The following ERCC8 variants were observed in gnomAD, a reference collection of about 807,000 sequenced individuals.
ERCC8 encodes ERCC excision repair 8, CSA ubiquitin ligase complex subunit.
In ERCC8, 52 loss-of-function variants were observed where a neutral mutation model predicts 54.9. The ratio of observed to expected loss-of-function variants is 0.95; its 90% CI spans 0.76 to 1.19. ERCC8 has a LOEUF of 1.19. ERCC8 is among the 50% of genes most tolerant of loss of function. The probability of loss-of-function intolerance (pLI) is 0.00; values close to 1 mark genes in which losing one functional copy is unlikely to be tolerated. For missense variants in ERCC8, 514 were observed against 466.1 expected, an observed-to-expected ratio of 1.10 and a Z score of -0.95; for synonymous variants, 146 against 157.2, an observed-to-expected ratio of 0.93 and a Z score of 0.53.
chr5:60,887,558 G>C, intron 10 of ERCC8, 38 bp from the exon 11 acceptor site: 1 of 1,397,058 alleles, frequency 7.2e-7, no homozygotes, highest in Non-Finnish European at 1.0e-6. Flanking sequence ...TGTGGATCAA[G>C]AGCTGATATC....
At chr5:60,883,185 A>C (rs1326903271) in intron 11 of ERCC8, among the ~76,000 whole-genome samples, 1 of 152,252 alleles carries the variant, frequency 6.6e-6, no homozygotes, top group Non-Finnish European at 1.5e-5. Flanking sequence ...TGAAAATCAT[A>C]ATCAGTTGCA....
Position 60,899,674 on chromosome 5 carries a change from A to G in ERCC8, c.671T>C (p.Ile224Thr). ...TTTCCCATTATGTTGATCAAGAGTA[A>G]TCAAACATCCTGATGCTCTTCTCAC... ...WDVRRASGCL[I>T]TLDQHNGKKS... The change falls in exon 8 of 12, where the codon ATT (isoleucine) becomes ACT (threonine). Residue 224 changes from isoleucine (I) to threonine (T), a missense_variant. Coordinates refer to ENST00000676185, the MANE Select transcript of ERCC8 (RefSeq NM_000082.4). 2 of 1,612,510 alleles carry G rather than the reference A, an allele frequency of 1.2e-6. No individual in the cohort carries two copies. Among genetic ancestry groups the G allele is most frequent in the Non-Finnish European group, 1.7e-6 (2 of 1,179,036 alleles).
At chr5:60,891,233 C>A in intron 9 of ERCC8, 147 bp from the exon 10 acceptor site, 2 of 611,394 alleles carry the variant, frequency 3.3e-6, no homozygotes, top group Non-Finnish European at 5.7e-6. Flanking sequence ...GAACAAGGGC[C>A]AATGACATGA....
Position 60,869,562 on chromosome 5 carries a change from TA to T in ERCC8, c.*5052del, listed in dbSNP as rs1294456025. Among the ~76,000 whole-genome samples the T allele has an allele frequency of 6.6e-6, 1 of 152,184 alleles. No homozygotes were observed. Among genetic ancestry groups the T allele is most frequent in the African/African-American group, 2.4e-5 (1 of 41,446 alleles). ...CTATTTTAAATGGGGCTTTTTAGTA[TA>T]AACTGGACACAAGGAACACTTCAGT... On this transcript the variant is annotated 3_prime_UTR_variant, in exon 12 of 12. Transcript: ENST00000676185.
chr5:60,880,051 G>GT (rs1748157953), intron 11 of ERCC8, among the ~76,000 whole-genome samples: 1 of 152,224 alleles, frequency 6.6e-6, no homozygotes, highest in East Asian at 1.9e-4. Flanking sequence ...GCTCTTTTAG[G>GT]GCAGGCCTGG....
intron 9 of ERCC8, among the ~76,000 whole-genome samples, chr5:60,897,240 C>G (rs1351899053): frequency 3.3e-5 from 5 of 152,200 alleles, no homozygotes; most frequent in African/African-American, 9.6e-5. Context: ...CTATGTGAAA[C>G]AGCAACTCCA....
intron 11 of ERCC8, among the ~76,000 whole-genome samples, chr5:60,876,089 T>C (rs932754082): frequency 2.0e-5 from 3 of 152,040 alleles, no homozygotes; most frequent in Non-Finnish European, 4.4e-5. Flanking sequence ...CGAAGTGTTC[T>C]TACTGTTCAA....
chr5:60,890,959 C>T lies in ERCC8; in HGVS notation c.971G>A (p.Gly324Glu). The T allele has an allele frequency of 6.2e-7, 1 of 1,613,540 alleles. No individual in the cohort carries two copies. The highest frequency in any genetic ancestry group is 1.1e-5 in the South Asian group (1 of 91,070). Reference protein sequence around the residue: ...STIAVYTVYSGEQITMLKGHY... With the variant: ...STIAVYTVYSEEQITMLKGHY... ...TCCCTTAAGCATAGTTATCTGTTCT[C>T]CTGAGTAAACTGTATAAACAGCAAT... is the stretch of plus-strand genomic sequence containing the variant. The change falls in exon 10 of 12, where the codon GGA (glycine) becomes GAA (glutamate). Residue 324 changes from glycine to glutamate, a missense_variant. Physicochemically the swap from Gly to Glu is moderately conservative, Grantham distance 98. Transcript: ENST00000676185.
At chr5:60,935,579 T>C (rs1464582305) in intron 1 of ERCC8, among the ~76,000 whole-genome samples, 1 of 152,194 alleles carries the variant, frequency 6.6e-6, no homozygotes, top group African/African-American at 2.4e-5. Context: ...CTATGTTGAA[T>C]AGAAGTGGTG....
chr5:60,877,100 C>A (rs1748035015), intron 11 of ERCC8, among the ~76,000 whole-genome samples: 1 of 152,204 alleles, frequency 6.6e-6, no homozygotes, highest in Admixed American at 6.5e-5. Context: ...CTAAGTATGG[C>A]TAGCCAGTTA....
intron 10 of ERCC8, among the ~76,000 whole-genome samples, chr5:60,888,769 T>G (rs1748468375): frequency 6.6e-6 from 1 of 152,210 alleles, no homozygotes; most frequent in Non-Finnish European, 1.5e-5. Flanking sequence ...TTGCCAACAT[T>G]AGGCCTTACT....
chr5:60,923,783 A>T (rs1749668312), intron 2 of ERCC8, among the ~76,000 whole-genome samples: 1 of 152,096 alleles, frequency 6.6e-6, no homozygotes. Flanking sequence ...CATTTATCCC[A>T]ATTACAAATA....
intron 4 of ERCC8, chr5:60,907,484 C>G (rs1039261456): frequency 1.3e-5 from 2 of 152,228 alleles, no homozygotes; most frequent in African/African-American, 4.8e-5. Context: ...TCCCGAGTAG[C>G]TGGGACTACA....
intron 3 of ERCC8, among the ~76,000 whole-genome samples, chr5:60,920,684 T>C (rs2112520910): frequency 6.6e-6 from 1 of 152,072 alleles, no homozygotes; most frequent in African/African-American, 2.4e-5. Context: ...CATTTTCAAA[T>C]TCAAAGTCAC....
At chr5:60,934,598 T>C (rs1750010645) in intron 1 of ERCC8, among the ~76,000 whole-genome samples, 1 of 152,228 alleles carries the variant, frequency 6.6e-6, no homozygotes, top group African/African-American at 2.4e-5. Flanking sequence ...TTTGTTTTTG[T>C]CGTGTTTGCT....
At chr5:60,944,710 C>A (rs1434656734) in intron 1 of ERCC8, among the ~76,000 whole-genome samples, 3 of 44,376 alleles carry the variant, frequency 6.8e-5, no homozygotes, top group South Asian at 1.1e-3. Flanking sequence ...GGGGAACCCC[C>A]CCCCCACCCC....
At chr5:60,881,487 T>C (rs1027434173) in intron 11 of ERCC8, among the ~76,000 whole-genome samples, 1 of 152,210 alleles carries the variant, frequency 6.6e-6, no homozygotes, top group Non-Finnish European at 1.5e-5. Context: ...GCAGGCCTCC[T>C]TGAGCTGTGG....
chr5:60,929,977 TAAC>T (rs887994076), intron 1 of ERCC8, among the ~76,000 whole-genome samples: 1 of 152,226 alleles, frequency 6.6e-6, no homozygotes, highest in African/African-American at 2.4e-5. Context: ...TTTAAAAAGA[TAAC>T]AATGCACAAT....
intron 3 of ERCC8, among the ~76,000 whole-genome samples, chr5:60,921,352 C>T (rs1162078364): frequency 1.3e-5 from 2 of 151,800 alleles, no homozygotes; most frequent in Non-Finnish European, 2.9e-5. Flanking sequence ...TTTCTCAGTG[C>T]CCATTCTCCC....
Sources: gnomAD v4.1 joint callset for allele counts (sites outside exome capture counted in the v4.1 genomes callset) on GRCh38, gnomAD v4.1.1 for gene constraint, MANE v1.5 for transcripts, NCBI Gene and HGNC (gene_info 2026-07-23, HGNC 2026-07-21) for gene names.